Variants in UBN2 observed in about 807,000 individuals in gnomAD.
The protein encoded by UBN2 is ubinuclein-2.
A neutral mutation model predicts 120.2 loss-of-function variants in UBN2; 35 were observed. The ratio of observed to expected loss-of-function variants is 0.29; its 90% CI spans 0.22 to 0.39. The LOEUF (loss-of-function observed/expected upper bound fraction) is 0.39, where lower values mean the gene tolerates loss of function less well. Among genes scored for constraint, UBN2 ranks in the 10% least tolerant of loss-of-function variants. UBN2 has a pLI of 1.00. For missense variants in UBN2, 1,693 were observed against 1,663.2 expected (o/e 1.02, Z -0.31); for synonymous variants, 661 against 648.7 (o/e 1.02, Z -0.29).
At chr7:139,232,179 C>T (rs1796041655) in intron 1 of UBN2, among the ~76,000 whole-genome samples, 1 of 152,208 alleles carries the variant, frequency 6.6e-6, no homozygotes, top group African/African-American at 2.4e-5. Flanking sequence ...CCCAAACCCC[C>T]GGCACTCGCT....
chr7:139,329,619 T>G, the UBN2 span, among the ~76,000 whole-genome samples: 1 of 152,120 alleles, frequency 6.6e-6, no homozygotes, highest in Non-Finnish European at 1.5e-5. Flanking sequence ...TTAGTTATCA[T>G]AGCTCCAAAC....
intron 17 of UBN2, among the ~76,000 whole-genome samples, chr7:139,296,819 A>G (rs904029114): frequency 1.1e-4 from 17 of 152,140 alleles, no homozygotes; most frequent in African/African-American, 4.1e-4. Context: ...GAGCCCAGGA[A>G]TTTGAGGCTA....
At chr7:139,278,619 A>G (rs1474259802) in intron 12 of UBN2, among the ~76,000 whole-genome samples, 1 of 150,606 alleles carries the variant, frequency 6.6e-6, no homozygotes, top group Non-Finnish European at 1.5e-5. Flanking sequence ...GGCCTTCATA[A>G]AAAAAAAAAA....
Position 139,237,049 on chromosome 7 carries a change from G to A in UBN2, c.513G>A (p.Gln171=), listed in dbSNP as rs1295677041. The A allele has an allele frequency of 1.2e-6, 2 of 1,611,284 alleles. No individual in the cohort carries two copies. The highest frequency in any genetic ancestry group is 1.7e-6 in the Non-Finnish European group (2 of 1,178,260). ...HTEDPFNDEH[Q]ERQEVEMLAK... ...AAGACCCATTTAATGATGAACATCA[G>A]GAGAGGCAAGAGGTGGAAATGTTGG... Residue 171 remains glutamine, a synonymous_variant, in exon 2 of 18, where the codon CAG becomes CAA. Coordinates refer to ENST00000473989, the MANE Select transcript of UBN2 (RefSeq NM_173569.4).
At chr7:139,324,969 C>CA in the UBN2 span, among the ~76,000 whole-genome samples, 80 of 139,366 alleles carry the variant, frequency 5.7e-4, no homozygotes, top group Admixed American at 8.7e-4. Flanking sequence ...GACTCCATCT[C>CA]AAAAAAAAAA....
chr7:139,246,749 C>T (rs1399204972), intron 2 of UBN2, among the ~76,000 whole-genome samples: 3 of 152,168 alleles, frequency 2.0e-5, no homozygotes, highest in East Asian at 1.9e-4. Context: ...GATCTGGTTC[C>T]TGTGACTCTA....
chr7:139,251,913 C>T, intron 2 of UBN2, 43 bp from the exon 3 acceptor site: 1 of 1,566,098 alleles, frequency 6.4e-7, no homozygotes, highest in Non-Finnish European at 8.8e-7. Flanking sequence ...TTTATGGAAA[C>T]AGCATGAGTA....
chr7:139,263,766 CA>C (rs34511009), intron 6 of UBN2, among the ~76,000 whole-genome samples: 1,492 of 64,844 alleles, frequency 0.023, 15 homozygotes, highest in African/African-American at 0.041. Flanking sequence ...GACTCCATCT[CA>C]AAAAAAAAAA....
rs1399880785 is a variant in UBN2 at position 139,301,386 on chromosome 7, C to G, written c.*3550C>G. ...CACCCCTTTCCACCTATACTTGGTTCAAGACATTTTCTGAAACGAAAATTC... is the reference window on the plus strand; with the variant it reads ...CACCCCTTTCCACCTATACTTGGTTGAAGACATTTTCTGAAACGAAAATTC... On this transcript the variant is annotated 3_prime_UTR_variant, in exon 18 of 18. Coordinates refer to ENST00000473989, the MANE Select transcript of UBN2 (RefSeq NM_173569.4). The G allele has an allele frequency of 1.3e-5, 2 of 152,142 alleles. No homozygotes were observed. Among genetic ancestry groups the G allele is most frequent in the South Asian group, 2.1e-4 (1 of 4,822 alleles). The allele number at this position is 152,142 out of a possible 1,614,324, so 9.4% of individuals were successfully genotyped here.
intron 15 of UBN2, among the ~76,000 whole-genome samples, chr7:139,292,045 G>A (rs763640664): frequency 6.6e-6 from 1 of 152,118 alleles, no homozygotes; most frequent in Non-Finnish European, 1.5e-5. Context: ...GAGCCCAGAA[G>A]TTCGAGCCTA....
the UBN2 span, among the ~76,000 whole-genome samples, chr7:139,315,938 G>A: frequency 5.9e-5 from 9 of 151,944 alleles, no homozygotes; most frequent in African/African-American, 1.9e-4. Flanking sequence ...TTAGCCGGGC[G>A]TGGTGGCAGG....
chr7:139,236,106 C>T (rs1232413827), intron 1 of UBN2, among the ~76,000 whole-genome samples: 1 of 151,994 alleles, frequency 6.6e-6, no homozygotes, highest in East Asian at 1.9e-4. Context: ...GCATTGAAAA[C>T]CATATATATG....
At position 139,300,704 on chromosome 7, in the gene UBN2, G is replaced by T. The variant is rs1371570615; in HGVS notation, c.*2868G>T. 3 of 152,170 alleles carry T rather than the reference G, an allele frequency of 2.0e-5. No individual in the cohort carries two copies. The highest frequency in any genetic ancestry group is 7.2e-5 in the African/African-American group (3 of 41,430). 9.4% of individuals were successfully genotyped at this position (152,170 alleles called of 1,614,324 possible). A position where few individuals can be genotyped will look rare whatever the true frequency, so the allele number is the denominator to read the frequency against. Reference sequence around the variant, plus strand: ...ATTCTTGATTCAGGAAGATTAAGCTGTTTGTTTTCAACTGTTTTATATTTT... The same window carrying T: ...ATTCTTGATTCAGGAAGATTAAGCTTTTTGTTTTCAACTGTTTTATATTTT... On this transcript the variant is annotated 3_prime_UTR_variant, in exon 18 of 18. Transcript: ENST00000473989.
In UBN2 at chr7:139,281,990, T is replaced by C; in HGVS notation, c.2068-15T>C. The C allele has an allele frequency of 6.2e-7, 1 of 1,612,562 alleles. No individual in the cohort carries two copies. Among genetic ancestry groups the C allele is most frequent in the Non-Finnish European group, 8.5e-7 (1 of 1,178,912 alleles). On this transcript the variant is annotated splice_polypyrimidine_tract_variant and intron_variant, in intron 13 of 17. Transcript: ENST00000473989. ...GTAACAGTATTCTTAACAGCTTGCTTATGTAATACCTTAGGAGGTGATGGT... is the reference window on the plus strand; with the variant it reads ...GTAACAGTATTCTTAACAGCTTGCTCATGTAATACCTTAGGAGGTGATGGT...
Position 139,266,350 on chromosome 7 carries a change from T to A in UBN2, c.1413T>A (p.Asp471Glu). The A allele has an allele frequency of 6.3e-7, 1 of 1,583,996 alleles. No homozygotes were observed. Among genetic ancestry groups the A allele is most frequent in the Non-Finnish European group, 8.6e-7 (1 of 1,159,248 alleles). The part of the protein sequence containing the change: ...EDLRVAAKLF[D>E]EEGRKKFFTQ... ...TTCTTTAGGCTGCCAAACTTTTTGA[T>A]GAAGAAGGAAGGAAAAAATTCTTTA... Residue 471 changes from aspartate to glutamate, a missense_variant, in exon 7 of 18, where the codon GAT becomes GAA. This residue lies in a region of UBN2 where 178 missense variants were observed against 204.0 expected (regional missense o/e 0.87). Coordinates refer to ENST00000473989, the MANE Select transcript of UBN2 (RefSeq NM_173569.4).
intron 15 of UBN2, among the ~76,000 whole-genome samples, chr7:139,288,472 G>A (rs1797852273): frequency 6.6e-6 from 1 of 152,170 alleles, no homozygotes. Flanking sequence ...TGCATGGCTG[G>A]ACCATGGGGA....
At chr7:139,234,103 TC>T (rs1298513949) in intron 1 of UBN2, among the ~76,000 whole-genome samples, 1 of 152,124 alleles carries the variant, frequency 6.6e-6, no homozygotes, top group Non-Finnish European at 1.5e-5. Flanking sequence ...TGTCATGGTT[TC>T]ATGAAAGGAA....
Position 139,283,165 on chromosome 7 carries a change from G to T in UBN2, c.2260G>T (p.Asp754Tyr). The change falls in exon 15 of 18, where the codon GAC becomes TAC. Residue 754 changes from aspartate to tyrosine, a missense_variant. Around this residue, in one of 5 missense-constraint regions of UBN2, gnomAD observed 837 missense variants for 817.6 expected, o/e 1.02. Transcript: ENST00000473989. ...APAQETICLDDSLDEDLSFHS... is the reference protein window; with the variant it reads ...APAQETICLDYSLDEDLSFHS... ...AGCCCAAGAAACCATCTGCCTCGAC[G>T]ACTCACTAGATGAAGACCTTTCTTT... The T allele has an allele frequency of 6.2e-7, 1 of 1,611,894 alleles. No individual in the cohort carries two copies. The highest frequency in any genetic ancestry group is 1.1e-5 in the South Asian group (1 of 90,862).
chr7:139,312,821 T>A (rs1026404027), downstream of UBN2, among the ~76,000 whole-genome samples: 92 of 152,358 alleles, frequency 6.0e-4, no homozygotes, highest in African/African-American at 2.1e-3. Flanking sequence ...CATCCACCTT[T>A]GTATACTGTG....
Sources: allele counts gnomAD v4.1 joint callset (sites outside exome capture counted in the v4.1 genomes callset), GRCh38; gene constraint gnomAD v4.1.1; regional missense constraint gnomAD v4.1.1; transcripts MANE v1.5; gene names NCBI Gene and HGNC (gene_info 2026-07-23, HGNC 2026-07-21).